The following NLGN1 variants were observed in gnomAD, a reference collection of about 807,000 sequenced individuals.
NLGN1 encodes neuroligin-1.
In NLGN1, 12 loss-of-function variants were observed where a neutral mutation model predicts 65.5. The ratio of observed to expected loss-of-function variants is 0.18; its 90% confidence interval spans 0.12 to 0.30. The LOEUF is 0.30. Among genes scored for constraint, NLGN1 ranks in the 10% least tolerant of loss-of-function variants. The pLI, the probability that NLGN1 is intolerant of heterozygous loss-of-function variation, is 1.00. For missense variants in NLGN1, 750 were observed against 1,007.1 expected, an observed-to-expected ratio of 0.74 and a Z score of 3.46; for synonymous variants, 350 against 359.5, an observed-to-expected ratio of 0.97 and a Z score of 0.30.
At chr3:173,404,776 T>C (rs574431893) in intron 1 of NLGN1, among the ~76,000 whole-genome samples, 1 of 152,244 alleles carries the variant, frequency 6.6e-6, no homozygotes, top group East Asian at 1.9e-4. Context: ...CCTAAGCTAC[T>C]GCAAGTTCCT....
At chr3:173,939,707 C>A (rs999004813) in intron 4 of NLGN1, among the ~76,000 whole-genome samples, 1 of 152,138 alleles carries the variant, frequency 6.6e-6, no homozygotes, top group Admixed American at 6.5e-5. Flanking sequence ...TTCAAAATTT[C>A]TTTTAATAGA....
chr3:174,221,473 T>C (rs1200762962), intron 4 of NLGN1, among the ~76,000 whole-genome samples: 1 of 152,144 alleles, frequency 6.6e-6, no homozygotes, highest in Non-Finnish European at 1.5e-5. Context: ...CAAATAGGTC[T>C]TGGTCTTGGG....
rs1419457606 is a variant in NLGN1, at chr3:173,952,483, G to A, written c.646+144651G>A. The stretch of plus-strand genomic sequence containing the variant: ...TTTCAGTTATAGAAGCTAACAAATG[G>A]CCTTATTTTTGCTTAAGCTTGCTTG... On this transcript the variant is annotated intron_variant, in intron 4 of 6. Coordinates refer to ENST00000457714, the Ensembl canonical transcript of NLGN1. Among the ~76,000 whole-genome samples, 3 of 152,082 alleles carry A rather than the reference G, an allele frequency of 2.0e-5. No individual in the cohort carries two copies. In the East Asian group the frequency reaches 5.8e-4, roughly 29 times the overall value.
chr3:174,017,338 T>G (rs1579790565), intron 4 of NLGN1, among the ~76,000 whole-genome samples: 1 of 152,262 alleles, frequency 6.6e-6, no homozygotes, highest in Non-Finnish European at 1.5e-5. Flanking sequence ...CAAAGCCAGG[T>G]GTATGAAGCA....
Position 173,778,942 on chromosome 3 carries a change from T to G in NLGN1, c.494-28738T>G, listed in dbSNP as rs1227214877. 3.3e-5 allele frequency among the ~76,000 whole-genome samples: 5 copies of G among 151,690 alleles called. No homozygotes were observed. In the East Asian group the frequency reaches 7.8e-4, roughly 24 times the overall value. ...CAGAGCAAATGTAAATACAAAGTTA[T>G]TCAATTTAATTGAGATATCTAGTGT... On this transcript the variant is annotated intron_variant, in intron 3 of 6. Coordinates refer to ENST00000457714, the Ensembl canonical transcript of NLGN1.
At chr3:173,693,955 T>C (rs1765828789) in intron 3 of NLGN1, among the ~76,000 whole-genome samples, 1 of 151,906 alleles carries the variant, frequency 6.6e-6, no homozygotes, top group African/African-American at 2.4e-5. Flanking sequence ...AAGTATAAAA[T>C]AACACATTTA....
At chr3:173,675,327 C>G (rs752676635) in intron 3 of NLGN1, among the ~76,000 whole-genome samples, 12 of 151,806 alleles carry the variant, frequency 7.9e-5, no homozygotes, top group Non-Finnish European at 1.8e-4. Context: ...TGCCAGAATC[C>G]CATATTCATT....
chr3:173,929,389 T>G (rs1428751888), intron 4 of NLGN1, among the ~76,000 whole-genome samples: 1 of 152,150 alleles, frequency 6.6e-6, no homozygotes, highest in Non-Finnish European at 1.5e-5. Flanking sequence ...ACCAGCTAAG[T>G]TGTATGTTCA....
intron 4 of NLGN1, among the ~76,000 whole-genome samples, chr3:173,983,196 C>CT (rs1422931773): frequency 6.6e-6 from 1 of 152,146 alleles, no homozygotes; most frequent in African/African-American, 2.4e-5. Flanking sequence ...CAGCACATTA[C>CT]TTAGTCTTAC....
At chr3:173,484,781 A>G (rs1727889400) in intron 2 of NLGN1, among the ~76,000 whole-genome samples, 1 of 152,144 alleles carries the variant, frequency 6.6e-6, no homozygotes. Flanking sequence ...ATACCCTTTG[A>G]TCTGTTCATT....
intron 2 of NLGN1, among the ~76,000 whole-genome samples, chr3:173,438,892 C>T (rs11926626): frequency 0.17 from 26,105 of 152,088 alleles, 3,385 homozygotes; most frequent in African/African-American, 0.37. Flanking sequence ...TGGACATTTT[C>T]AGGATTATCT....
chr3:173,518,712 A>G (rs1457283671), intron 2 of NLGN1, among the ~76,000 whole-genome samples: 2 of 152,150 alleles, frequency 1.3e-5, no homozygotes, highest in Non-Finnish European at 2.9e-5. Context: ...CAAAGAAATA[A>G]CATAAAACTG....
chr3:174,212,694 A>C (rs1333401433), intron 4 of NLGN1, among the ~76,000 whole-genome samples: 13 of 152,272 alleles, frequency 8.5e-5, no homozygotes, highest in Admixed American at 8.5e-4. Context: ...GTTACCACAA[A>C]TATAATGGAT....
intron 4 of NLGN1, among the ~76,000 whole-genome samples, chr3:174,079,225 A>G (rs529853538): frequency 6.6e-6 from 1 of 152,314 alleles, no homozygotes; most frequent in Non-Finnish European, 1.5e-5. Context: ...AAAGTGGGCA[A>G]AGGACATGAA....
At chr3:173,671,740 C>T (rs1762478193) in intron 3 of NLGN1, among the ~76,000 whole-genome samples, 1 of 152,144 alleles carries the variant, frequency 6.6e-6, no homozygotes, top group Admixed American at 6.5e-5. Context: ...AAGTATCTGA[C>T]CCAATGGCAA....
At chr3:174,237,215 A>T (rs1305869930) in intron 4 of NLGN1, among the ~76,000 whole-genome samples, 1 of 152,180 alleles carries the variant, frequency 6.6e-6, no homozygotes, top group African/African-American at 2.4e-5. Context: ...CCCAATTTAA[A>T]GTCATTGTCA....
At chr3:173,700,852 A>C (rs534399795) in intron 3 of NLGN1, among the ~76,000 whole-genome samples, 1 of 152,146 alleles carries the variant, frequency 6.6e-6, no homozygotes, top group East Asian at 1.9e-4. Flanking sequence ...AAGGCCGGGC[A>C]CGGTGGCTCA....
intron 2 of NLGN1, among the ~76,000 whole-genome samples, chr3:173,440,832 T>C (rs1719041564): frequency 6.6e-6 from 1 of 152,154 alleles, no homozygotes; most frequent in South Asian, 2.1e-4. Flanking sequence ...CATTAGCCCC[T>C]AACAAAAGAG....
At chr3:173,740,202 C>T (rs1774435004) in intron 3 of NLGN1, among the ~76,000 whole-genome samples, 1 of 151,922 alleles carries the variant, frequency 6.6e-6, no homozygotes, top group African/African-American at 2.4e-5. Context: ...AGTACTTATC[C>T]CTGGAGTCTG....
Sources: allele counts gnomAD v4.1 joint callset (sites outside exome capture counted in the v4.1 genomes callset), GRCh38; gene constraint gnomAD v4.1.1; transcripts MANE v1.5; gene names NCBI Gene and HGNC (gene_info 2026-07-23, HGNC 2026-07-21).